The following BRAF variants were observed in gnomAD, a reference collection of about 807,000 sequenced individuals.
BRAF encodes the protein B-Raf proto-oncogene, serine/threonine kinase, also known as serine/threonine-protein kinase B-raf.
In BRAF, 16 loss-of-function variants were observed where a neutral mutation model predicts 104.6. That is an observed-to-expected ratio of 0.15 (90% CI 0.10 to 0.23). BRAF has a LOEUF of 0.23. Among genes scored for constraint, BRAF ranks in the 10% least tolerant of loss-of-function variants. BRAF has a pLI of 1.00. For synonymous variants in BRAF, 310 were observed against 341.6 expected, an observed-to-expected ratio of 0.91 and a Z score of 1.02; for missense variants, 541 against 937.3, an observed-to-expected ratio of 0.58 and a Z score of 5.52.
At chr7:140,781,944 T>TAC (rs1297126535) in intron 11 of BRAF, among the ~76,000 whole-genome samples, 2 of 152,210 alleles carry the variant, frequency 1.3e-5, no homozygotes, top group African/African-American at 4.8e-5. Flanking sequence ...AGTTCTAGGG[T>TAC]ACATGTGCAC....
chr7:140,775,918 T>C (rs1356525510), intron 14 of BRAF, among the ~76,000 whole-genome samples: 1 of 152,224 alleles, frequency 6.6e-6, no homozygotes, highest in Non-Finnish European at 1.5e-5. Flanking sequence ...CTAGGAGCAA[T>C]ACTCAGTTAG....
In BRAF at chr7:140,924,602, C is replaced by G. The variant is rs1372257667; in HGVS notation, c.102G>C (p.Ala34=). ...TGGCAGGGTCCGCAGCCGAAGAGGC[C>G]GCGGCGCCGGCGCCGGCGCCGGCCT... ...EPEAGAGAGA[A]ASSAADPAIP... Residue 34 remains alanine (A), a synonymous_variant, in exon 1 of 20, where the codon GCG becomes GCC. Coordinates refer to ENST00000644969, the MANE Select transcript of BRAF (RefSeq NM_001374258.1). The surrounding 1 kb of genome is among the most constrained non-coding windows in gnomAD (Gnocchi z 4.2). 1.3e-6 allele frequency: 2 copies of G among 1,527,872 alleles called. No homozygotes were observed. The highest frequency in any genetic ancestry group is 1.7e-6 in the Non-Finnish European group (2 of 1,143,482). The allele number at this position is 1,527,872 out of a possible 1,614,324, so 94.6% of individuals were successfully genotyped here.
chr7:140,833,025 C>G (rs1030568750), intron 3 of BRAF, among the ~76,000 whole-genome samples: 11 of 152,028 alleles, frequency 7.2e-5, no homozygotes, highest in Admixed American at 6.6e-5. Flanking sequence ...AGGCACCCAC[C>G]ACCACGCCCC....
intron 3 of BRAF, 98 bp downstream of exon 3, chr7:140,834,511 A>C: frequency 6.6e-7 from 1 of 1,508,028 alleles, no homozygotes; most frequent in Non-Finnish European, 9.1e-7. Flanking sequence ...TATTTGCATG[A>C]CCTCTGAGTA....
intron 5 of BRAF, among the ~76,000 whole-genome samples, chr7:140,803,855 A>G (rs1028173715): frequency 4.6e-5 from 7 of 152,146 alleles, no homozygotes; most frequent in Admixed American, 2.0e-4. Context: ...GAGTGGCGAG[A>G]GCATGGGTGA....
At chr7:140,741,108 A>C (rs541398473) in intron 17 of BRAF, 30 of 152,312 alleles carry the variant, frequency 2.0e-4, no homozygotes, top group Admixed American at 7.8e-4. Context: ...GAGTTCCTAT[A>C]GTCATATATT....
At chr7:140,888,643 C>T (rs1563018767) in intron 1 of BRAF, among the ~76,000 whole-genome samples, 1 of 152,076 alleles carries the variant, frequency 6.6e-6, no homozygotes. Context: ...CGAGACCAGC[C>T]TGACCAACGT....
intron 1 of BRAF, among the ~76,000 whole-genome samples, chr7:140,908,656 GCTC>G (rs1044170768): frequency 3.3e-5 from 5 of 152,118 alleles, no homozygotes; most frequent in Non-Finnish European, 7.3e-5. Context: ...TCCTCCTCCT[GCTC>G]CATTCAACCT....
chr7:140,915,648 T>C (rs1297927589), intron 1 of BRAF, among the ~76,000 whole-genome samples: 1 of 151,988 alleles, frequency 6.6e-6, no homozygotes, highest in Non-Finnish European at 1.5e-5. Context: ...GTTGGTCAGG[T>C]TGGTCTCGAA....
intron 2 of BRAF, among the ~76,000 whole-genome samples, chr7:140,837,080 C>T (rs1281580516): frequency 6.6e-6 from 1 of 152,184 alleles, no homozygotes; most frequent in Non-Finnish European, 1.5e-5. Flanking sequence ...TACAAAACAT[C>T]TACTTATTCC....
chr7:140,757,572 G>A (rs1798311662), intron 14 of BRAF, among the ~76,000 whole-genome samples: 1 of 152,196 alleles, frequency 6.6e-6, no homozygotes, highest in African/African-American at 2.4e-5. Flanking sequence ...ACAGGCGTGA[G>A]CCACCACGCC....
At chr7:140,824,866 T>C (rs1409980107) in intron 3 of BRAF, among the ~76,000 whole-genome samples, 1 of 152,138 alleles carries the variant, frequency 6.6e-6, no homozygotes, top group Admixed American at 6.5e-5. Context: ...TAATTTGCAT[T>C]TTCCTAATGA....
intron 1 of BRAF, among the ~76,000 whole-genome samples, chr7:140,887,492 G>GATGA: frequency 1.3e-5 from 2 of 151,884 alleles, no homozygotes; most frequent in Non-Finnish European, 2.9e-5. Context: ...TTGGTTAGGT[G>GATGA]GAGGTCAGTT....
At chr7:140,900,156 CACA>C (rs2129127792) in intron 1 of BRAF, among the ~76,000 whole-genome samples, 1 of 152,376 alleles carries the variant, frequency 6.6e-6, no homozygotes, top group South Asian at 2.1e-4. Context: ...TCGGTAATTA[CACA>C]ACAATAGATA....
intron 1 of BRAF, among the ~76,000 whole-genome samples, chr7:140,871,239 CAAAAAAAAAA>C (rs11284186): frequency 1.7e-3 from 103 of 61,184 alleles, no homozygotes; most frequent in African/African-American, 5.3e-3. Context: ...GACTCCGTCT[CAAAAAAAAAA>C]AAAAAAAAAA....
At chr7:140,801,196 A>G (rs1203169936) in intron 6 of BRAF, 2 of 527,116 alleles carry the variant, frequency 3.8e-6, no homozygotes, top group East Asian at 3.3e-5. Context: ...CGATAATATA[A>G]AATATAAATT....
chr7:140,840,160 T>A (rs10280112), intron 2 of BRAF, among the ~76,000 whole-genome samples: 4,376 of 152,286 alleles, frequency 0.029, 210 homozygotes, highest in African/African-American at 0.098. Flanking sequence ...TACTAGACTT[T>A]GCTCTTACTA....
chr7:140,758,805 C>T (rs1798417434), intron 14 of BRAF, among the ~76,000 whole-genome samples: 1 of 152,174 alleles, frequency 6.6e-6, no homozygotes, highest in Non-Finnish European at 1.5e-5. Flanking sequence ...ACAAGATGCA[C>T]CCATTTTACA....
chr7:140,716,403 G>A (rs946334183), downstream of BRAF, among the ~76,000 whole-genome samples: 2 of 152,160 alleles, frequency 1.3e-5, no homozygotes, highest in African/African-American at 4.8e-5. Flanking sequence ...GGCCTGGCCT[G>A]AATGAAATAC....
Sources: gnomAD v4.1 joint callset for allele counts (sites outside exome capture counted in the v4.1 genomes callset) on GRCh38, gnomAD v4.1.1 for gene constraint, Gnocchi (gnomAD v3.1) non-coding constraint, MANE v1.5 for transcripts, NCBI Gene and HGNC (gene_info 2026-07-23, HGNC 2026-07-21) for gene names.